Variants in ESRRB observed in about 807,000 individuals in gnomAD.
ESRRB encodes the protein steroid hormone receptor ERR2.
In ESRRB, 16 loss-of-function variants were observed where a neutral mutation model predicts 46.0. The ratio of observed to expected loss-of-function variants is 0.35; its 90% CI spans 0.24 to 0.53. The LOEUF is 0.53. ESRRB is among the 20% of genes least tolerant of loss of function. ESRRB has a pLI of 0.93. For synonymous variants in ESRRB, 246 were observed against 259.6 expected (o/e 0.95, Z 0.50); for missense variants, 488 against 607.4 (o/e 0.80, Z 2.07).
intron 1 of ESRRB, among the ~76,000 whole-genome samples, chr14:76,406,604 G>A (rs1886196166): frequency 6.6e-6 from 1 of 152,142 alleles, no homozygotes; most frequent in Admixed American, 6.6e-5. Context: ...AACTAGCCAG[G>A]TATGATGGCA....
intron 1 of ESRRB, among the ~76,000 whole-genome samples, chr14:76,348,572 G>A (rs968243988): frequency 6.6e-6 from 1 of 152,162 alleles, no homozygotes; most frequent in African/African-American, 2.4e-5. Context: ...AGGTCACTCA[G>A]TCTCTCCAAG....
At chr14:76,428,080 C>T (rs1298969425) in intron 1 of ESRRB, among the ~76,000 whole-genome samples, 3 of 152,200 alleles carry the variant, frequency 2.0e-5, no homozygotes. Flanking sequence ...CTCACCACAA[C>T]CTCTGCCTCC....
intron 6 of ESRRB, among the ~76,000 whole-genome samples, chr14:76,496,303 G>A (rs918258092): frequency 2.2e-5 from 3 of 137,280 alleles, no homozygotes; most frequent in Non-Finnish European, 3.2e-5. Flanking sequence ...ACATGAGAGA[G>A]GATCATGTAA....
At chr14:76,439,246 T>C (rs1303600875) in intron 1 of ESRRB, 95 bp from the exon 2 acceptor site, 15 of 1,389,734 alleles carry the variant, frequency 1.1e-5, no homozygotes, top group Admixed American at 1.7e-5. Context: ...AGCCTTAGCA[T>C]AGAGCCCTTC....
Position 76,482,458 on chromosome 14 carries a change from AAC to A in ESRRB, c.689-138_689-137del. ...ACTACCAGCAACTTCATGGAGCCAGAACAGGAGGGGAGATTATAGCCGCTTTG... is the reference window on the plus strand; with the variant it reads ...ACTACCAGCAACTTCATGGAGCCAGAAGGAGGGGAGATTATAGCCGCTTTG... On this transcript the variant is annotated intron_variant, in intron 4 of 6. Coordinates refer to ENST00000644823, the MANE Select transcript of ESRRB (RefSeq NM_001379180.1). The surrounding 1 kb of genome is among the most constrained non-coding windows in gnomAD (Gnocchi z 4.3). The A allele has an allele frequency of 1.2e-6, 1 of 802,522 alleles. No homozygotes were observed. Among genetic ancestry groups the A allele is most frequent in the Non-Finnish European group, 2.1e-6 (1 of 487,494 alleles). The allele number at this position is 802,522 out of a possible 1,614,324, so 49.7% of individuals were successfully genotyped here.
At chr14:76,489,653 T>C (rs1028472442) in intron 5 of ESRRB, among the ~76,000 whole-genome samples, 6 of 152,200 alleles carry the variant, frequency 3.9e-5, no homozygotes, top group African/African-American at 1.4e-4. Flanking sequence ...GATAATTCAC[T>C]TGGAGAATGC....
Position 76,376,347 on chromosome 14 carries a change from C to T in ESRRB, c.-55C>T. On this transcript the variant is annotated 5_prime_UTR_variant, in exon 1 of 7. Coordinates refer to ENST00000644823, the MANE Select transcript of ESRRB (RefSeq NM_001379180.1). This position sits in a 1 kb window ranked among gnomAD's most constrained non-coding sequence, Gnocchi z 4.1. Reference sequence around the variant, plus strand: ...TGCCCGTGCCCTTCACTCGCTCTTCCGCGTGATTTCCCCGCCGTCTTTCTC... The same window carrying T: ...TGCCCGTGCCCTTCACTCGCTCTTCTGCGTGATTTCCCCGCCGTCTTTCTC... 1 of 1,205,870 alleles carries T rather than the reference C, an allele frequency of 8.3e-7. No homozygotes were observed. Among genetic ancestry groups the T allele is most frequent in the East Asian group, 3.2e-5 (1 of 31,558 alleles). The allele number at this position is 1,205,870 out of a possible 1,614,324, so 74.7% of individuals were successfully genotyped here. A position where few individuals can be genotyped will look rare whatever the true frequency, so the allele number is the denominator to read the frequency against.
intron 1 of ESRRB, among the ~76,000 whole-genome samples, chr14:76,358,328 AAAG>A (rs1566859611): frequency 3.3e-3 from 125 of 38,276 alleles, no homozygotes; most frequent in Non-Finnish European, 4.3e-3. Context: ...AAAAAAAAAG[AAAG>A]AAAGAAAGAA....
intron 1 of ESRRB, among the ~76,000 whole-genome samples, chr14:76,357,278 A>T (rs1310478537): frequency 1.3e-5 from 2 of 152,224 alleles, no homozygotes; most frequent in African/African-American, 4.8e-5. Flanking sequence ...CATTTTTTAC[A>T]AACAGTGCAA....
chr14:76,433,752 A>G (rs1887550967), intron 1 of ESRRB, among the ~76,000 whole-genome samples: 1 of 152,142 alleles, frequency 6.6e-6, no homozygotes, highest in South Asian at 2.1e-4. Flanking sequence ...GAATGTCCCC[A>G]GACACTTCCT....
At chr14:76,335,254 C>T (rs1243996868) in intron 1 of ESRRB, among the ~76,000 whole-genome samples, 1 of 152,194 alleles carries the variant, frequency 6.6e-6, no homozygotes, top group Admixed American at 6.5e-5. Context: ...TGCACCACTG[C>T]CTTGGCACCT....
chr14:76,462,182 GGTGGTA>G (rs1888893992), intron 2 of ESRRB, among the ~76,000 whole-genome samples: 1 of 151,932 alleles, frequency 6.6e-6, no homozygotes, highest in Non-Finnish European at 1.5e-5. Context: ...TGGTGGTGGT[GGTGGTA>G]GTGGTGGTCT....
chr14:76,377,814 G>A (rs1346076760), intron 1 of ESRRB, among the ~76,000 whole-genome samples: 1 of 152,194 alleles, frequency 6.6e-6, no homozygotes, highest in Non-Finnish European at 1.5e-5. Context: ...GCTGTCCACA[G>A]CATGGCTTGT....
At chr14:76,336,956 G>A (rs565821923) in intron 1 of ESRRB, among the ~76,000 whole-genome samples, 8 of 152,222 alleles carry the variant, frequency 5.3e-5, no homozygotes, top group Non-Finnish European at 7.4e-5. Context: ...AAGCCAGGGC[G>A]ATCTCCACCG....
intron 1 of ESRRB, among the ~76,000 whole-genome samples, chr14:76,342,362 G>A (rs1566856215): frequency 6.6e-6 from 1 of 152,158 alleles, no homozygotes; most frequent in African/African-American, 2.4e-5. Flanking sequence ...CAAAAGTGAG[G>A]GGCAACAGGG....
At chr14:76,449,795 T>C (rs1167730855) in intron 2 of ESRRB, among the ~76,000 whole-genome samples, 8 of 140,520 alleles carry the variant, frequency 5.7e-5, no homozygotes, top group Non-Finnish European at 9.0e-5. Context: ...TGGGACAGGG[T>C]CTTGCTCTGT....
At chr14:76,385,213 G>GA (rs35021819) in intron 1 of ESRRB, among the ~76,000 whole-genome samples, 40,136 of 128,952 alleles carry the variant, frequency 0.31, 5,659 homozygotes, top group East Asian at 0.37. Context: ...TTTTCCTCAG[G>GA]AAAAAAAAAA....
At chr14:76,332,829 T>A (rs1466970869) in intron 1 of ESRRB, among the ~76,000 whole-genome samples, 911 of 9,366 alleles carry the variant, frequency 0.097, 45 homozygotes, top group Non-Finnish European at 0.13. Context: ...TTTATATATT[T>A]ATATATTATA....
upstream of ESRRB, among the ~76,000 whole-genome samples, chr14:76,375,024 CATTTAGACATT>C (rs1884714407): frequency 6.6e-6 from 1 of 152,188 alleles, no homozygotes; most frequent in African/African-American, 2.4e-5. Context: ...AGTTACACTC[CATTTAGACATT>C]ATTTTGATGA....
Sources: allele counts gnomAD v4.1 joint callset (sites outside exome capture counted in the v4.1 genomes callset), GRCh38; gene constraint gnomAD v4.1.1; non-coding constraint Gnocchi (gnomAD v3.1); transcripts MANE v1.5; gene names NCBI Gene and HGNC (gene_info 2026-07-23, HGNC 2026-07-21).